Variants in LAMA2 observed in about 807,000 individuals in gnomAD.
LAMA2 encodes the protein laminin subunit alpha-2.
LAMA2 carries 269 observed loss-of-function variants against 364.8 expected under a neutral mutation model. That is an observed-to-expected ratio of 0.74 (90% CI 0.67 to 0.82). LAMA2 has a LOEUF of 0.82. Among genes scored for constraint, LAMA2 ranks in the 40% least tolerant of loss-of-function variants. The pLI, the probability that LAMA2 is intolerant of heterozygous loss-of-function variation, is 0.00. For synonymous variants in LAMA2, 1,379 were observed against 1,370.6 expected, an observed-to-expected ratio of 1.01 and a Z score of -0.14; for missense variants, 3,807 against 3,873.2, an observed-to-expected ratio of 0.98 and a Z score of 0.45.
intron 37 of LAMA2, among the ~76,000 whole-genome samples, chr6:129,394,113 A>G (rs1779475919): frequency 6.6e-6 from 1 of 152,186 alleles, no homozygotes; most frequent in Non-Finnish European, 1.5e-5. Flanking sequence ...CTAAGAGTAA[A>G]CTCAGCACAT....
intron 1 of LAMA2, among the ~76,000 whole-genome samples, chr6:128,968,278 T>C (rs1276175796): frequency 6.6e-6 from 1 of 152,190 alleles, no homozygotes; most frequent in African/African-American, 2.4e-5. Context: ...CACTTATTCA[T>C]GTCACTCATT....
intron 34 of LAMA2, among the ~76,000 whole-genome samples, chr6:129,378,994 G>C (rs1333731069): frequency 1.3e-5 from 2 of 152,038 alleles, no homozygotes; most frequent in African/African-American, 2.4e-5. Context: ...AAGAAAATGT[G>C]GTACATACAC....
At position 129,486,605 on chromosome 6, in the gene LAMA2, T is replaced by A; in HGVS notation, c.7881T>A (p.His2627Gln). ...LFHDGREHSV[H>Q]VERTRGIFTV... Reference sequence around the variant, plus strand: ...ATGATGGAAGAGAACATTCCGTTCATGTAGAGCGAACTAGAGGGTAACAAT... The same window carrying A: ...ATGATGGAAGAGAACATTCCGTTCAAGTAGAGCGAACTAGAGGGTAACAAT... The change falls in exon 56 of 65, where the codon CAT (histidine) becomes CAA (glutamine). Residue 2627 changes from histidine to glutamine, a missense_variant. His to Gln is a conservative substitution (Grantham distance 24). Coordinates refer to ENST00000421865, the MANE Select transcript of LAMA2 (RefSeq NM_000426.4). The A allele has an allele frequency of 6.2e-7, 1 of 1,613,950 alleles. No homozygotes were observed. The highest frequency in any genetic ancestry group is 8.5e-7 in the Non-Finnish European group (1 of 1,179,822).
intron 18 of LAMA2, among the ~76,000 whole-genome samples, chr6:129,281,994 G>A (rs996752597): frequency 1.3e-5 from 2 of 152,258 alleles, no homozygotes; most frequent in Non-Finnish European, 2.9e-5. Flanking sequence ...GGGAAGATAA[G>A]GGTCAGGGTA....
At chr6:129,477,119 G>A (rs543611166) in intron 53 of LAMA2, among the ~76,000 whole-genome samples, 1 of 152,224 alleles carries the variant, frequency 6.6e-6, no homozygotes, top group Non-Finnish European at 1.5e-5. Context: ...ACCACATAAA[G>A]AATTATCTTT....
At chr6:129,305,616 T>A (rs536047185) in intron 22 of LAMA2, among the ~76,000 whole-genome samples, 1 of 152,110 alleles carries the variant, frequency 6.6e-6, no homozygotes, top group East Asian at 1.9e-4. Context: ...TAGCTTAATG[T>A]GTGTGTGTGT....
chr6:128,958,624 A>G (rs1317608163), intron 1 of LAMA2, among the ~76,000 whole-genome samples: 1 of 152,120 alleles, frequency 6.6e-6, no homozygotes, highest in Non-Finnish European at 1.5e-5. Context: ...TATAATATTG[A>G]TGTGCTCTGG....
In LAMA2 at chr6:129,202,174, C is replaced by T. The variant is rs539861857; in HGVS notation, c.1782+9321C>T. Among the ~76,000 whole-genome samples, 483 of 110,084 alleles carry T rather than the reference C, an allele frequency of 4.4e-3. 5 individuals are homozygous for T. Among genetic ancestry groups the T allele is most frequent in the African/African-American group, 0.017 (467 of 27,802 alleles). The allele number at this position is 110,084 out of a possible 152,430, so 72.2% of individuals were successfully genotyped here. On this transcript the variant is annotated intron_variant, in intron 12 of 64. Coordinates refer to ENST00000421865, the MANE Select transcript of LAMA2 (RefSeq NM_000426.4). ...CTGCACTCCAGCCTAAGCAACAGAGCGAGAGTCTGTCTCAAAAAAAAAAAA... is the reference window on the plus strand; with the variant it reads ...CTGCACTCCAGCCTAAGCAACAGAGTGAGAGTCTGTCTCAAAAAAAAAAAA...
intron 12 of LAMA2, among the ~76,000 whole-genome samples, chr6:129,200,051 C>T (rs900678712): frequency 2.7e-5 from 4 of 150,810 alleles, no homozygotes; most frequent in Non-Finnish European, 5.9e-5. Flanking sequence ...TGCACTCCAG[C>T]CTGGGGCATA....
At chr6:129,155,584 A>G (rs1202275024) in intron 8 of LAMA2, among the ~76,000 whole-genome samples, 1 of 152,130 alleles carries the variant, frequency 6.6e-6, no homozygotes, top group Non-Finnish European at 1.5e-5. Flanking sequence ...TATTACCCAT[A>G]TCAAGTAAAT....
At chr6:128,919,409 C>G (rs2114481538) in intron 1 of LAMA2, among the ~76,000 whole-genome samples, 1 of 152,322 alleles carries the variant, frequency 6.6e-6, no homozygotes, top group East Asian at 1.9e-4. Context: ...CATCATGTAA[C>G]AATTATATAA....
At position 129,369,914 on chromosome 6, in the gene LAMA2, C is replaced by A. The variant is rs771044261; in HGVS notation, c.4883C>A (p.Ala1628Asp). The stretch of plus-strand genomic sequence containing the variant: ...CAGCACTTGCTGTCACCTCAGCGGG[C>A]CCCAGAGAGGCTTATTCAGCTGGCA... ...ELKHLLSPQR[A>D]PERLIQLAEG... Residue 1628 changes from alanine (A) to aspartate (D), a missense_variant, in exon 34 of 65, where the codon GCC (alanine) becomes GAC (aspartate). Ala to Asp is a moderately radical substitution (Grantham distance 126). This residue lies in a region of LAMA2 where 3,333 missense variants were observed against 3,345.7 expected (regional missense o/e 1.00). Transcript: ENST00000421865. The A allele has an allele frequency of 6.2e-7, 1 of 1,614,034 alleles. No individual in the cohort carries two copies.
At chr6:128,903,662 T>C (rs533060223) in intron 1 of LAMA2, among the ~76,000 whole-genome samples, 118 of 152,276 alleles carry the variant, frequency 7.7e-4, no homozygotes, top group Middle Eastern at 6.8e-3. Flanking sequence ...TTCTTTATCC[T>C]CTGCTTTATT....
rs548945682 is a variant in LAMA2, at chr6:129,113,927, A to G, written c.639+15512A>G. ...GAACATTTTATCCCTATCAGTGGAA[A>G]ATAGCACAGTTGGTGCCTAACTTCC... On this transcript the variant is annotated intron_variant, in intron 4 of 64. Coordinates refer to ENST00000421865, the MANE Select transcript of LAMA2 (RefSeq NM_000426.4). Among the ~76,000 whole-genome samples the G allele has an allele frequency of 8.0e-4, 121 of 152,162 alleles. 1 individual carries two copies. The highest frequency in any genetic ancestry group is 2.8e-3 in the African/African-American group (117 of 41,546).
intron 40 of LAMA2, among the ~76,000 whole-genome samples, chr6:129,419,443 T>A (rs1254516995): frequency 1.3e-5 from 2 of 152,116 alleles, no homozygotes; most frequent in Non-Finnish European, 2.9e-5. Context: ...CTCCATTACC[T>A]TTACTCAAAA....
chr6:128,891,491 T>C (rs530372616), intron 1 of LAMA2, among the ~76,000 whole-genome samples: 1 of 152,070 alleles, frequency 6.6e-6, no homozygotes, highest in African/African-American at 2.4e-5. Context: ...AGCAGTGCAA[T>C]TGTCATTTCA....
chr6:129,379,505 G>A (rs867093583), intron 34 of LAMA2, among the ~76,000 whole-genome samples: 5 of 152,058 alleles, frequency 3.3e-5, no homozygotes, highest in Admixed American at 6.5e-5. Context: ...GGAACCTCAC[G>A]TCTCCTCCTC....
intron 56 of LAMA2, among the ~76,000 whole-genome samples, chr6:129,491,363 C>T (rs539607149): frequency 6.6e-6 from 1 of 152,298 alleles, no homozygotes; most frequent in East Asian, 1.9e-4. Context: ...TAAGGAAAAT[C>T]ATTGCAAGGA....
At chr6:129,019,566 T>TC (rs1785283821) in intron 1 of LAMA2, among the ~76,000 whole-genome samples, 1 of 152,144 alleles carries the variant, frequency 6.6e-6, no homozygotes, top group South Asian at 2.1e-4. Context: ...ATTCTATTTT[T>TC]CTTCTTGAAT....
Sources: allele counts gnomAD v4.1 joint callset (sites outside exome capture counted in the v4.1 genomes callset), GRCh38; gene constraint gnomAD v4.1.1; regional missense constraint gnomAD v4.1.1; transcripts MANE v1.5; gene names NCBI Gene and HGNC (gene_info 2026-07-23, HGNC 2026-07-21).